The following SPACDR variants were observed in gnomAD, a reference collection of about 807,000 sequenced individuals.
The protein encoded by SPACDR is sperm acrosome developmental regulator, also known as uncharacterized protein C7orf61.
the SPACDR span, among the ~76,000 whole-genome samples, chr7:100,461,487 AG>A: frequency 6.6e-6 from 1 of 152,002 alleles, no homozygotes; most frequent in African/African-American, 2.4e-5. Context: ...CATGTTGCCC[AG>A]GCTGGTCTCG....
the SPACDR span, chr7:100,456,845 C>T: frequency 6.2e-7 from 1 of 1,613,356 alleles, no homozygotes; most frequent in East Asian, 2.2e-5. Flanking sequence ...TGTGCCTCTC[C>T]TGCCTGCGGT....
the SPACDR span, chr7:100,464,200 C>T: frequency 2.0e-6 from 3 of 1,475,156 alleles, no homozygotes; most frequent in Middle Eastern, 2.5e-4. Context: ...GAAGCCCCTC[C>T]TGGCAATGAA....
the SPACDR span, among the ~76,000 whole-genome samples, chr7:100,460,721 GCT>G: frequency 6.6e-6 from 1 of 151,304 alleles, no homozygotes; most frequent in Non-Finnish European, 1.5e-5. Flanking sequence ...CACAAATATA[GCT>G]CACTGTGGCC....
chr7:100,464,224 C>T, the SPACDR span: 3 of 1,450,966 alleles, frequency 2.1e-6, no homozygotes, highest in Non-Finnish European at 2.7e-6. Flanking sequence ...CAGACCTTTT[C>T]TCCCCTCCCT....
chr7:100,463,892 A>C, the SPACDR span: 3 of 1,518,670 alleles, frequency 2.0e-6, no homozygotes, highest in Non-Finnish European at 2.7e-6. Context: ...GAACCCACGC[A>C]GTAAGGGGCT....
the SPACDR span, chr7:100,463,376 A>G: frequency 3.1e-6 from 5 of 1,595,032 alleles, no homozygotes; most frequent in Non-Finnish European, 4.3e-6. Flanking sequence ...CCAGCTGCAC[A>G]TCTGCCAGCC....
chr7:100,462,079 C>CA, the SPACDR span, among the ~76,000 whole-genome samples: 1 of 151,928 alleles, frequency 6.6e-6, no homozygotes, highest in Non-Finnish European at 1.5e-5. Context: ...GACAACGTCA[C>CA]ACTCAACAAT....
chr7:100,457,839 G>GTGTGTGTGTGTGTA, the SPACDR span, among the ~76,000 whole-genome samples: 1 of 115,918 alleles, frequency 8.6e-6, no homozygotes, highest in African/African-American at 3.6e-5. Flanking sequence ...GTGTGTGTGT[G>GTGTGTGTGTGTGTA]TGTATATATA....
chr7:100,457,853 A>T, the SPACDR span, among the ~76,000 whole-genome samples: 69 of 47,392 alleles, frequency 1.5e-3, 1 homozygote, highest in African/African-American at 5.0e-3. Flanking sequence ...ATATATATAT[A>T]TATATTTTTT....
chr7:100,464,201 T>C, the SPACDR span: 5 of 1,472,958 alleles, frequency 3.4e-6, no homozygotes, highest in Non-Finnish European at 4.5e-6. Context: ...AAGCCCCTCC[T>C]GGCAATGAAT....
At chr7:100,456,802 G>A in the SPACDR span, 19 of 1,612,730 alleles carry the variant, frequency 1.2e-5, no homozygotes, top group Admixed American at 5.0e-5. Flanking sequence ...GGGTTGGGTC[G>A]GGGGGCAGCA....
At chr7:100,457,803 ATGTG>A in the SPACDR span, among the ~76,000 whole-genome samples, 17 of 72,586 alleles carry the variant, frequency 2.3e-4, no homozygotes, top group East Asian at 2.6e-3. Context: ...ATATATATAT[ATGTG>A]TGTGTGTGTG....
chr7:100,464,182 T>A, the SPACDR span: 1 of 1,483,896 alleles, frequency 6.7e-7, no homozygotes, highest in Non-Finnish European at 9.0e-7. Context: ...AAGTAGGAAA[T>A]CCTGGGGGAA....
At chr7:100,460,065 A>G in the SPACDR span, among the ~76,000 whole-genome samples, 2 of 151,590 alleles carry the variant, frequency 1.3e-5, no homozygotes, top group East Asian at 2.0e-4. Context: ...AATTTTTTGT[A>G]TTTTTAGTAC....
chr7:100,459,766 T>C, the SPACDR span, among the ~76,000 whole-genome samples: 2 of 152,214 alleles, frequency 1.3e-5, no homozygotes, highest in Non-Finnish European at 2.9e-5. Flanking sequence ...CTGGCCAGTT[T>C]GTCCCTTCTT....
the SPACDR span, among the ~76,000 whole-genome samples, chr7:100,458,163 T>C: frequency 1.9e-4 from 28 of 150,740 alleles, no homozygotes; most frequent in Admixed American, 1.5e-3. Context: ...ACTGATCTTA[T>C]GTAGATTTCC....
At chr7:100,461,655 T>G in the SPACDR span, among the ~76,000 whole-genome samples, 1 of 151,700 alleles carries the variant, frequency 6.6e-6, no homozygotes. Context: ...CAAGCCAAGC[T>G]AACACCTTCA....
At chr7:100,464,247 G>T in the SPACDR span, 1 of 1,424,776 alleles carries the variant, frequency 7.0e-7, no homozygotes. Context: ...GACAGGGAGA[G>T]GAGTCGAAGT....
chr7:100,463,737 G>A, the SPACDR span: 1 of 1,493,268 alleles, frequency 6.7e-7, no homozygotes, highest in Non-Finnish European at 9.3e-7. Flanking sequence ...GCAGGGCAGA[G>A]ACAACACCAT....
Sources: gnomAD v4.1 joint callset for allele counts (sites outside exome capture counted in the v4.1 genomes callset) on GRCh38, gnomAD v4.1.1 for gene constraint, MANE v1.5 for transcripts, NCBI Gene and HGNC (gene_info 2026-07-23, HGNC 2026-07-21) for gene names.